STX5: variants seen among roughly 807,000 people sequenced by gnomAD.
STX5 encodes the protein syntaxin-5.
In STX5, 15 loss-of-function variants were observed where a neutral mutation model predicts 42.9. The observed-to-expected ratio is 0.35, with a 90% confidence interval of 0.23 to 0.54. STX5 has a LOEUF of 0.54. Among genes scored for constraint, STX5 ranks in the 20% least tolerant of loss-of-function variants. STX5 has a pLI of 0.91. For synonymous variants in STX5, 184 were observed against 173.2 expected, an observed-to-expected ratio of 1.06 and a Z score of -0.49; for missense variants, 430 against 455.0, an observed-to-expected ratio of 0.95 and a Z score of 0.50.
In STX5 at chr11:62,818,339, T is replaced by C. The variant is rs940328445; in HGVS notation, c.908+5827A>G. 2.0e-5 allele frequency among the ~76,000 whole-genome samples: 3 copies of C among 150,976 alleles called. No individual in the cohort carries two copies. In the Middle Eastern group the frequency reaches 0.01, roughly 528 times the overall value. On this transcript the variant is annotated intron_variant, in intron 10 of 10. Coordinates refer to ENST00000294179, the MANE Select transcript of STX5 (RefSeq NM_003164.5). ...TGGGAGGCGGAAGTGGGAGGATCAC[T>C]TGAGGTCAGGAGTTCAAAACCAGCC... is the stretch of plus-strand genomic sequence containing the variant.
chr11:62,831,923 C>T (rs751647668), intron 1 of STX5, 31 bp downstream of exon 1: 1 of 458,028 alleles, frequency 2.2e-6, no homozygotes, highest in South Asian at 1.5e-5. Context: ...GCTGACACGG[C>T]GGCCAGATCC....
At chr11:62,821,011 T>C (rs932261124) in intron 10 of STX5, among the ~76,000 whole-genome samples, 1 of 151,910 alleles carries the variant, frequency 6.6e-6, no homozygotes, top group Non-Finnish European at 1.5e-5. Context: ...GCCTACTTCA[T>C]AAAAACTGTC....
intron 10 of STX5, among the ~76,000 whole-genome samples, chr11:62,822,346 C>A (rs2084749100): frequency 6.6e-6 from 1 of 151,836 alleles, no homozygotes; most frequent in Non-Finnish European, 1.5e-5. Flanking sequence ...CTGGGCGACA[C>A]AGCAAGGCTC....
At chr11:62,817,699 A>G (rs900798306) in intron 10 of STX5, among the ~76,000 whole-genome samples, 1 of 152,186 alleles carries the variant, frequency 6.6e-6, no homozygotes, top group African/African-American at 2.4e-5. Context: ...TGTACTCACT[A>G]AGAAGGTAGT....
intron 1 of STX5, among the ~76,000 whole-genome samples, chr11:62,831,616 C>T (rs2084866356): frequency 6.6e-6 from 1 of 152,182 alleles, no homozygotes; most frequent in Admixed American, 6.5e-5. Flanking sequence ...CGGTTTCCTT[C>T]GGCCCCTCCG....
In STX5 at chr11:62,825,080, G is replaced by A. The variant is rs764743350; in HGVS notation, c.635C>T (p.Ser212Phe). 6.2e-7 allele frequency: 1 copy of A among 1,613,868 alleles called. No homozygotes were observed. The highest frequency in any genetic ancestry group is 1.1e-5 in the South Asian group (1 of 91,082). ...GGGCAGGGCTGACACAGGTGCCCGG[G>A]AGAACTGCTCTCTCCGGCTCCTCTG... is the stretch of plus-strand genomic sequence containing the variant. The part of the protein sequence containing the change: ...KQQRSRREQF[S>F]RAPVSALPLA... The change falls in exon 8 of 11, where the codon TCC (serine) becomes TTC (phenylalanine). Residue 212 changes from serine to phenylalanine, a missense_variant. Transcript: ENST00000294179.
chr11:62,826,333 G>A (rs1004478362), intron 5 of STX5, among the ~76,000 whole-genome samples: 11 of 151,948 alleles, frequency 7.2e-5, no homozygotes, highest in African/African-American at 2.2e-4. Context: ...TGAGGTGGGC[G>A]GATCACCTGA....
At chr11:62,819,177 T>C (rs11231234) in intron 10 of STX5, among the ~76,000 whole-genome samples, 11,933 of 120,680 alleles carry the variant, frequency 0.099, 633 homozygotes, top group East Asian at 0.18. Flanking sequence ...GCCGAGATCG[T>C]GCCACTGTAC....
chr11:62,810,434 C>T (rs1002229512), intron 10 of STX5, among the ~76,000 whole-genome samples: 1 of 151,868 alleles, frequency 6.6e-6, no homozygotes, highest in African/African-American at 2.4e-5. Context: ...AGAGTGTCAC[C>T]TTGTCTCAAA....
intron 10 of STX5, among the ~76,000 whole-genome samples, chr11:62,815,534 GTTT>G (rs1232989244): frequency 1.4e-5 from 2 of 143,718 alleles, no homozygotes; most frequent in Admixed American, 1.4e-4. Context: ...TAACGGCGTG[GTTT>G]TTTTTTTTTT....
chr11:62,820,040 G>C (rs957049714), intron 10 of STX5, among the ~76,000 whole-genome samples: 1 of 151,478 alleles, frequency 6.6e-6, no homozygotes, highest in African/African-American at 2.4e-5. Flanking sequence ...ATGGATATAT[G>C]GAGTTTAGGA....
intron 10 of STX5, among the ~76,000 whole-genome samples, chr11:62,811,657 CCTTTTT>C (rs922034827): frequency 1.3e-5 from 2 of 150,280 alleles, no homozygotes; most frequent in African/African-American, 2.5e-5. Context: ...TTCTCTCATC[CCTTTTT>C]TTTTTTTTTT....
intron 7 of STX5, 69 bp downstream of exon 7, chr11:62,825,214 T>G: frequency 6.2e-7 from 1 of 1,611,428 alleles, no homozygotes; most frequent in Non-Finnish European, 8.5e-7. Context: ...GTAGAACTTG[T>G]CCCTTCTTCA....
intron 10 of STX5, among the ~76,000 whole-genome samples, chr11:62,809,673 CAAAAAA>C (rs749188946): frequency 4.7e-4 from 9 of 19,176 alleles, no homozygotes; most frequent in East Asian, 1.9e-3. Flanking sequence ...GACTCTGTCT[CAAAAAA>C]AAAAAAAAAA....
intron 9 of STX5, 53 bp from the exon 10 acceptor site, chr11:62,824,340 C>T: frequency 6.2e-7 from 1 of 1,613,268 alleles, no homozygotes; most frequent in East Asian, 2.2e-5. Context: ...CAGGGTCAGA[C>T]CTGCATTTTT....
At chr11:62,818,565 G>GAAAAAAAAAA (rs1307603732) in intron 10 of STX5, among the ~76,000 whole-genome samples, 17 of 92,734 alleles carry the variant, frequency 1.8e-4, no homozygotes, top group African/African-American at 5.8e-4. Context: ...CTCTGTCTCA[G>GAAAAAAAAAA]AAAAAAAAAA....
chr11:62,819,553 T>A (rs1331617460), intron 10 of STX5, among the ~76,000 whole-genome samples: 1 of 152,006 alleles, frequency 6.6e-6, no homozygotes, highest in South Asian at 2.1e-4. Flanking sequence ...AGGGTGTTGC[T>A]GTCACCCAGG....
intron 5 of STX5, 114 bp from the exon 6 acceptor site, chr11:62,825,653 G>A: frequency 4.2e-6 from 4 of 945,240 alleles, no homozygotes; most frequent in Non-Finnish European, 6.7e-6. Flanking sequence ...TAGCCAGAGT[G>A]AGAGTATCTC....
intron 2 of STX5, among the ~76,000 whole-genome samples, chr11:62,828,448 C>T (rs902030457): frequency 3.9e-5 from 6 of 152,166 alleles, no homozygotes; most frequent in Non-Finnish European, 7.3e-5. Context: ...GTTACTCGGC[C>T]GGGTGCAGTG....
Sources: allele counts gnomAD v4.1 joint callset (sites outside exome capture counted in the v4.1 genomes callset), GRCh38; gene constraint gnomAD v4.1.1; transcripts MANE v1.5; gene names NCBI Gene and HGNC (gene_info 2026-07-23, HGNC 2026-07-21).